Variants in FAM184A observed in about 807,000 individuals in gnomAD.
FAM184A encodes the protein family with sequence similarity 184 member A.
FAM184A carries 99 observed loss-of-function variants against 143.8 expected under a neutral mutation model. The observed-to-expected ratio is 0.69, with a 90% CI of 0.58 to 0.81. The LOEUF (loss-of-function observed/expected upper bound fraction) is 0.81, where lower values mean the gene tolerates loss of function less well. Ranked by LOEUF, FAM184A falls within the 40% of genes least tolerant of loss-of-function variation. The probability of loss-of-function intolerance (pLI) is 0.00; values close to 1 mark genes in which losing one functional copy is unlikely to be tolerated. For missense variants in FAM184A, 1,217 were observed against 1,310.5 expected, an observed-to-expected ratio of 0.93 and a Z score of 1.10; for synonymous variants, 427 against 446.4, an observed-to-expected ratio of 0.96 and a Z score of 0.55.
chr6:118,983,870 C>T lies in FAM184A; in HGVS notation c.2089-3520G>A, dbSNP rs193065845. ...AAGAAAAAATTAAAAATATATGGGC[C>T]GGGCACGGTTGCTCATGCCTGTAAT... On this transcript the variant is annotated intron_variant, in intron 9 of 17. Coordinates refer to ENST00000338891, the MANE Select transcript of FAM184A (RefSeq NM_024581.6). Among the ~76,000 whole-genome samples the T allele has an allele frequency of 9.5e-4, 144 of 151,554 alleles. 2 individuals carry two copies. The highest frequency in any genetic ancestry group is 3.4e-3 in the African/African-American group (141 of 41,342).
chr6:119,067,228 T>G (rs1357277580), intron 1 of FAM184A, among the ~76,000 whole-genome samples: 2 of 152,146 alleles, frequency 1.3e-5, no homozygotes, highest in Non-Finnish European at 2.9e-5. Context: ...AGATTAGTAT[T>G]TCAGCCTCCA....
Position 118,959,807 on chromosome 6 carries a change from G to T in FAM184A, c.*296C>A. The stretch of plus-strand genomic sequence containing the variant: ...AAAATATTTAAAAATTAAAGCAAAC[G>T]TAGAAAAAAATAAAAAGCATTGTTT... On this transcript the variant is annotated 3_prime_UTR_variant, in exon 18 of 18. Coordinates refer to ENST00000338891, the MANE Select transcript of FAM184A (RefSeq NM_024581.6). The T allele has an allele frequency of 9.3e-6, 1 of 107,230 alleles. No homozygotes were observed. The highest frequency in any genetic ancestry group is 1.6e-5 in the Non-Finnish European group (1 of 63,706). 6.6% of individuals were successfully genotyped at this position (107,230 alleles called of 1,614,324 possible). A position where few individuals can be genotyped will look rare whatever the true frequency, so the allele number is the denominator to read the frequency against.
intron 1 of FAM184A, among the ~76,000 whole-genome samples, chr6:119,122,685 G>C (rs968529135): frequency 6.6e-6 from 1 of 152,086 alleles, no homozygotes; most frequent in African/African-American, 2.4e-5. Context: ...ACTTTGGAAG[G>C]CTGAAGGGGG....
At chr6:118,967,520 T>C (rs896156816) in intron 14 of FAM184A, among the ~76,000 whole-genome samples, 1 of 152,202 alleles carries the variant, frequency 6.6e-6, no homozygotes, top group Non-Finnish European at 1.5e-5. Context: ...AAAAAAAGTT[T>C]CATCAGGTAA....
intron 4 of FAM184A, among the ~76,000 whole-genome samples, chr6:119,017,431 G>C (rs955847535): frequency 7.0e-6 from 1 of 143,752 alleles, no homozygotes; most frequent in East Asian, 1.9e-4. Flanking sequence ...CTGGGAGACA[G>C]AGTTTGCAGT....
intron 14 of FAM184A, among the ~76,000 whole-genome samples, chr6:118,967,767 A>T (rs1173560809): frequency 6.6e-6 from 1 of 152,166 alleles, no homozygotes; most frequent in Non-Finnish European, 1.5e-5. Flanking sequence ...GAACAATTTT[A>T]AAAATCTTGT....
intron 1 of FAM184A, among the ~76,000 whole-genome samples, chr6:119,091,540 G>A (rs1788368809): frequency 6.6e-6 from 1 of 152,166 alleles, no homozygotes; most frequent in African/African-American, 2.4e-5. Context: ...ATGTTGTCTT[G>A]TTGTGCCTCC....
intron 12 of FAM184A, 140 bp from the exon 13 acceptor site, chr6:118,975,348 GAGAAAACCTCA>G (rs1783814300): frequency 3.2e-6 from 2 of 628,780 alleles, no homozygotes; most frequent in Non-Finnish European, 2.7e-6. Flanking sequence ...CTGCTGAAAT[GAGAAAACCTCA>G]AGGCCTGTTC....
chr6:118,987,990 A>T (rs955846866), intron 9 of FAM184A, among the ~76,000 whole-genome samples: 2 of 152,216 alleles, frequency 1.3e-5, no homozygotes, highest in African/African-American at 4.8e-5. Context: ...TTTTTATATA[A>T]GTTGAAGCTT....
chr6:119,050,216 T>C (rs1786696811), intron 1 of FAM184A, among the ~76,000 whole-genome samples: 1 of 152,186 alleles, frequency 6.6e-6, no homozygotes, highest in Non-Finnish European at 1.5e-5. Context: ...GGAACACTTA[T>C]ACATTGCTGG....
At chr6:119,107,730 A>T in intron 1 of FAM184A, among the ~76,000 whole-genome samples, 1 of 150,538 alleles carries the variant, frequency 6.6e-6, no homozygotes, top group East Asian at 2.0e-4. Flanking sequence ...GTGAACCGAG[A>T]TCTCGCCACT....
chr6:119,133,136 CAA>C lies in FAM184A; in HGVS notation c.-202+15940_-202+15941del, dbSNP rs202212869. ...AACTCATCAGAGGTCTGAGAATTAG[CAA>C]AGTCTTAGGAGGAACCATGTGTTCA... On this transcript the variant is annotated intron_variant, in intron 1 of 16. Coordinates refer to the FAM184A transcript ENST00000352896. Among the ~76,000 whole-genome samples, 1,479 of 152,240 alleles carry C rather than the reference CAA, an allele frequency of 9.7e-3. 31 individuals carry two copies. Among genetic ancestry groups the C allele is most frequent in the African/African-American group, 0.035 (1,437 of 41,522 alleles).
chr6:119,137,811 C>T (rs150992431), intron 1 of FAM184A, among the ~76,000 whole-genome samples: 45 of 152,318 alleles, frequency 3.0e-4, no homozygotes, highest in African/African-American at 9.6e-4. Flanking sequence ...CCGATGTCTA[C>T]GTGCCAGGCT....
intron 1 of FAM184A, among the ~76,000 whole-genome samples, chr6:119,123,171 T>C (rs2114864735): frequency 6.6e-6 from 1 of 151,692 alleles, no homozygotes; most frequent in East Asian, 2.0e-4. Flanking sequence ...GCAGATCACT[T>C]GAGGTCAGAA....
chr6:119,129,101 T>C (rs1471371802), intron 1 of FAM184A, among the ~76,000 whole-genome samples: 1 of 152,232 alleles, frequency 6.6e-6, no homozygotes, highest in African/African-American at 2.4e-5. Flanking sequence ...TGAATCTACC[T>C]ATAACCTGGA....
chr6:119,077,804 G>A (rs1219850949), intron 1 of FAM184A, among the ~76,000 whole-genome samples: 1 of 152,226 alleles, frequency 6.6e-6, no homozygotes, highest in Non-Finnish European at 1.5e-5. Flanking sequence ...GATGCCTCGT[G>A]GAGCCCTGGC....
At chr6:119,094,833 G>A (rs527727854) in intron 1 of FAM184A, among the ~76,000 whole-genome samples, 89 of 152,160 alleles carry the variant, frequency 5.8e-4, no homozygotes, top group African/African-American at 1.9e-3. Context: ...CAAGCCTTCC[G>A]AGGATCCTTT....
intron 1 of FAM184A, among the ~76,000 whole-genome samples, chr6:119,051,579 T>TGCTTA (rs1422541322): frequency 6.6e-6 from 1 of 152,188 alleles, no homozygotes; most frequent in Non-Finnish European, 1.5e-5. Context: ...AGATACTCCA[T>TGCTTA]TTTCATTGAC....
In FAM184A at chr6:118,979,927, A is replaced by C. The variant is rs189979836; in HGVS notation, c.2301+211T>G. On this transcript the variant is annotated intron_variant, in intron 10 of 17. Transcript: ENST00000338891. ...TAGCCAGGCATGGTGGTGTGCGCCT[A>C]TAGTCCCAGCTATTCAGGAGGCTGA... 7.5e-4 allele frequency among the ~76,000 whole-genome samples: 114 copies of C among 152,022 alleles called. 1 individual carries two copies. The East Asian group carries it at 0.018, about 25-fold the overall frequency.
Sources: allele counts gnomAD v4.1 joint callset (sites outside exome capture counted in the v4.1 genomes callset), GRCh38; gene constraint gnomAD v4.1.1; transcripts MANE v1.5; gene names NCBI Gene and HGNC (gene_info 2026-07-23, HGNC 2026-07-21).